Variants in RHOBTB1 observed in about 807,000 individuals in gnomAD.
RHOBTB1 encodes rho-related BTB domain-containing protein 1.
RHOBTB1 carries 40 observed loss-of-function variants against 71.6 expected under a neutral mutation model. That is an observed-to-expected ratio of 0.56 (90% CI 0.43 to 0.73). The LOEUF (loss-of-function observed/expected upper bound fraction) is 0.73. Ranked by LOEUF, RHOBTB1 falls within the 30% of genes least tolerant of loss-of-function variation. The pLI, the probability that RHOBTB1 is intolerant of heterozygous loss-of-function variation, is 0.00. For synonymous variants in RHOBTB1, 319 were observed against 334.9 expected (o/e 0.95, Z 0.52); for missense variants, 797 against 894.0 (o/e 0.89, Z 1.38).
Position 60,888,214 on chromosome 10 carries a change from G to C in RHOBTB1, c.1454C>G (p.Ser485Trp). ...GCTCTGCCCCGCGGCCCACTCACCCGAGAACGTTCCCTTGCTGAGACACTC... is the reference window on the plus strand; with the variant it reads ...GCTCTGCCCCGCGGCCCACTCACCCCAGAACGTTCCCTTGCTGAGACACTC... ...IKECLSKGTF[S>W]DVTFKLDDGA... The change falls in exon 6 of 11, where the codon TCG becomes TGG. Residue 485 changes from serine (S) to tryptophan (W), a missense_variant and splice_region_variant. Ser to Trp is a radical substitution (Grantham distance 177). Transcript: ENST00000337910. 1.9e-6 allele frequency: 3 copies of C among 1,611,580 alleles called. No individual in the cohort carries two copies. Among genetic ancestry groups the C allele is most frequent in the South Asian group, 1.1e-5 (1 of 90,950 alleles).
chr10:60,993,925 T>A (rs2086955455), intron 1 of RHOBTB1, among the ~76,000 whole-genome samples: 1 of 152,150 alleles, frequency 6.6e-6, no homozygotes, highest in South Asian at 2.1e-4. Context: ...ATTTTCTTAA[T>A]ATTTGTATAT....
chr10:60,901,153 T>C (rs10821851), intron 4 of RHOBTB1, among the ~76,000 whole-genome samples: 44,227 of 152,082 alleles, frequency 0.29, 8,751 homozygotes, highest in African/African-American at 0.57. Flanking sequence ...GTCAAGATGA[T>C]ACATTGAAAA....
chr10:60,886,958 C>T (rs746451586), intron 6 of RHOBTB1, among the ~76,000 whole-genome samples: 2 of 151,676 alleles, frequency 1.3e-5, no homozygotes, highest in Non-Finnish European at 2.9e-5. Flanking sequence ...CAACAGTCTC[C>T]TAAATAACCA....
At chr10:60,892,032 C>T (rs994757293) in intron 5 of RHOBTB1, among the ~76,000 whole-genome samples, 3 of 152,164 alleles carry the variant, frequency 2.0e-5, no homozygotes, top group Non-Finnish European at 4.4e-5. Flanking sequence ...TGTTTTCTTC[C>T]CCTCTGCCAT....
intron 2 of RHOBTB1, among the ~76,000 whole-genome samples, chr10:60,954,018 G>T (rs1418384763): frequency 6.6e-6 from 1 of 152,086 alleles, no homozygotes; most frequent in Non-Finnish European, 1.5e-5. Context: ...AATTAAAGCG[G>T]TAAACTTGGC....
intron 2 of RHOBTB1, among the ~76,000 whole-genome samples, chr10:60,976,454 AACT>A (rs1189216009): frequency 6.6e-6 from 1 of 151,998 alleles, no homozygotes; most frequent in Non-Finnish European, 1.5e-5. Flanking sequence ...AAGTGTATCT[AACT>A]CCGAGTTAAG....
Position 60,871,540 on chromosome 10 carries a change from T to C in RHOBTB1, c.2033A>G (p.Asn678Ser), listed in dbSNP as rs1043129298. The C allele has an allele frequency of 1.9e-6, 3 of 1,614,180 alleles. No homozygotes were observed. In the East Asian group the frequency reaches 6.7e-5, roughly 36 times the overall value. The change falls in exon 11 of 11, where the codon AAT (asparagine) becomes AGT (serine). Residue 678 changes from asparagine (N) to serine (S), a missense_variant. Physicochemically the swap from Asn to Ser is conservative, Grantham distance 46. This residue lies in a region of RHOBTB1 where 658 missense variants were observed against 681.5 expected (regional missense o/e 0.97). Coordinates refer to ENST00000337910, the MANE Select transcript of RHOBTB1 (RefSeq NM_014836.5). ...REREKEDIAL[N>S]KHRSRRKWCF... ...CCACTTTCGTCTTGAGCGATGCTTA[T>C]TTAGTGCAATATCTTCCTTCTCTCG...
At chr10:60,972,489 A>G (rs191859804) in intron 2 of RHOBTB1, among the ~76,000 whole-genome samples, 1 of 152,258 alleles carries the variant, frequency 6.6e-6, no homozygotes, top group Admixed American at 6.5e-5. Flanking sequence ...GAACAATGAG[A>G]ACACAGGGAC....
intron 1 of RHOBTB1, among the ~76,000 whole-genome samples, chr10:60,996,771 G>A (rs952319998): frequency 6.6e-6 from 1 of 152,076 alleles, no homozygotes; most frequent in African/African-American, 2.4e-5. Context: ...TATTATACGG[G>A]AGACACAATT....
intron 2 of RHOBTB1, among the ~76,000 whole-genome samples, chr10:60,978,865 A>G (rs1210662302): frequency 6.6e-6 from 1 of 152,178 alleles, no homozygotes; most frequent in East Asian, 1.9e-4. Context: ...GACAAAACAT[A>G]TCAGACATTC....
chr10:60,888,973 G>A lies in RHOBTB1; in HGVS notation c.695C>T (p.Pro232Leu). The A allele has an allele frequency of 6.2e-7, 1 of 1,614,084 alleles. No homozygotes were observed. The highest frequency in any genetic ancestry group is 8.5e-7 in the Non-Finnish European group (1 of 1,180,008). ...TGGAGGGGCTTTTGGAGGTAGGAAG[G>A]GTGCCTGAAGTAAAGGTTTCTGGAC... ...KKVQKPLLQA[P>L]FLPPKAPPPV... The change falls in exon 6 of 11, where the codon CCC becomes CTC. Residue 232 changes from proline (P) to leucine (L), a missense_variant. Pro to Leu is a moderately conservative substitution (Grantham distance 98). Coordinates refer to ENST00000337910, the MANE Select transcript of RHOBTB1 (RefSeq NM_014836.5).
chr10:60,888,522 G>A lies in RHOBTB1; in HGVS notation c.1146C>T (p.His382=), dbSNP rs780598617. ...AAATGGGGTTGACTTGCATTTCCCT[G>A]TGCATGCCAATGAACCCCTTACTCC... ...TGWSKGFIGM[H]REMQVNPISK... is the part of the protein sequence containing the mutation. Residue 382 remains histidine, a synonymous_variant, in exon 6 of 11, where the codon CAC becomes CAT. Transcript: ENST00000337910. 14 of 1,614,152 alleles carry A rather than the reference G, an allele frequency of 8.7e-6. No homozygotes were observed. The highest frequency in any genetic ancestry group is 1.6e-4 in the Middle Eastern group (1 of 6,062).
chr10:60,941,053 G>A (rs938133632), intron 2 of RHOBTB1, among the ~76,000 whole-genome samples: 1 of 152,136 alleles, frequency 6.6e-6, no homozygotes, highest in Non-Finnish European at 1.5e-5. Context: ...ATTTACTTAA[G>A]AGAATAGAAT....
At chr10:60,976,035 G>A (rs1172906233) in intron 2 of RHOBTB1, among the ~76,000 whole-genome samples, 1 of 151,950 alleles carries the variant, frequency 6.6e-6, no homozygotes, top group African/African-American at 2.4e-5. Flanking sequence ...GGCTAGGTAA[G>A]GACAAGAAAT....
At chr10:60,915,097 G>C (rs575454637) in intron 2 of RHOBTB1, among the ~76,000 whole-genome samples, 1 of 152,160 alleles carries the variant, frequency 6.6e-6, no homozygotes, top group Non-Finnish European at 1.5e-5. Flanking sequence ...TCACAGCCAA[G>C]GATGGAAACT....
chr10:60,968,578 A>G (rs1220143478), intron 2 of RHOBTB1, among the ~76,000 whole-genome samples: 1 of 152,148 alleles, frequency 6.6e-6, no homozygotes, highest in Non-Finnish European at 1.5e-5. Flanking sequence ...AGAAAGCAGG[A>G]GAGGTGTACA....
At chr10:60,988,632 G>T (rs2086752928) in intron 1 of RHOBTB1, among the ~76,000 whole-genome samples, 1 of 152,116 alleles carries the variant, frequency 6.6e-6, no homozygotes, top group South Asian at 2.1e-4. Context: ...CAAGGGACAT[G>T]ATTTTGTTAC....
chr10:60,908,012 T>C (rs1228277893), intron 4 of RHOBTB1, among the ~76,000 whole-genome samples: 2 of 152,232 alleles, frequency 1.3e-5, no homozygotes, highest in African/African-American at 4.8e-5. Flanking sequence ...TGGCACACAG[T>C]AGGCTTTTGA....
At chr10:60,897,787 A>G (rs903510769) in intron 4 of RHOBTB1, among the ~76,000 whole-genome samples, 4 of 151,950 alleles carry the variant, frequency 2.6e-5, no homozygotes, top group African/African-American at 9.7e-5. Flanking sequence ...GCTCACTGCA[A>G]CCTCCACCTC....
Sources: allele counts gnomAD v4.1 joint callset (sites outside exome capture counted in the v4.1 genomes callset), GRCh38; gene constraint gnomAD v4.1.1; regional missense constraint gnomAD v4.1.1; transcripts MANE v1.5; gene names NCBI Gene and HGNC (gene_info 2026-07-23, HGNC 2026-07-21).